Variants in SYN3 observed in about 807,000 individuals in gnomAD.
SYN3 encodes the protein synapsin-3.
In SYN3, 35 loss-of-function variants were observed where a neutral mutation model predicts 65.8. That is an observed-to-expected ratio of 0.53 (90% confidence interval 0.41 to 0.70). The LOEUF is 0.70. Among genes scored for constraint, SYN3 ranks in the 30% least tolerant of loss-of-function variants. SYN3 has a pLI of 0.00. For synonymous variants in SYN3, 270 were observed against 292.9 expected (o/e 0.92, Z 0.80); for missense variants, 680 against 749.0 (o/e 0.91, Z 1.08).
intron 7 of SYN3, among the ~76,000 whole-genome samples, chr22:32,585,965 CGTATATAT>C (rs1346991617): frequency 2.1e-4 from 15 of 70,988 alleles, no homozygotes; most frequent in African/African-American, 3.5e-4. Flanking sequence ...TGTGTATATA[CGTATATAT>C]GTATATATGT....
chr22:32,724,013 G>C (rs1411956930), intron 6 of SYN3, among the ~76,000 whole-genome samples: 4 of 152,218 alleles, frequency 2.6e-5, no homozygotes, highest in African/African-American at 4.8e-5. Context: ...TAGACACACA[G>C]AAAGCTAGTG....
At chr22:33,033,565 G>C (rs1708263310) in intron 1 of SYN3, among the ~76,000 whole-genome samples, 1 of 152,084 alleles carries the variant, frequency 6.6e-6, no homozygotes, top group Non-Finnish European at 1.5e-5. Context: ...AATGGCCTGG[G>C]ACCCTTCTCA....
At chr22:32,890,716 ACTT>A (rs770382540) in intron 4 of SYN3, among the ~76,000 whole-genome samples, 15 of 152,090 alleles carry the variant, frequency 9.9e-5, no homozygotes, top group Middle Eastern at 3.4e-3. Context: ...TTCACACGCC[ACTT>A]CTTCTTTTGG....
intron 3 of SYN3, among the ~76,000 whole-genome samples, chr22:32,941,670 G>T (rs565864488): frequency 6.6e-6 from 1 of 152,162 alleles, no homozygotes; most frequent in African/African-American, 2.4e-5. Flanking sequence ...CCCGGGAAGC[G>T]CAAGGGGTAA....
intron 7 of SYN3, among the ~76,000 whole-genome samples, chr22:32,592,237 T>C (rs2059137749): frequency 6.6e-6 from 1 of 152,212 alleles, no homozygotes; most frequent in Admixed American, 6.5e-5. Context: ...CCCTGGCTTC[T>C]ACCTGGTAAA....
intron 4 of SYN3, among the ~76,000 whole-genome samples, chr22:32,922,130 A>G (rs1234789836): frequency 6.6e-6 from 1 of 152,136 alleles, no homozygotes; most frequent in African/African-American, 2.4e-5. Context: ...AGATGCATGG[A>G]TCCTCTCCAT....
chr22:32,757,060 G>GT (rs970746939), intron 6 of SYN3, among the ~76,000 whole-genome samples: 1 of 150,692 alleles, frequency 6.6e-6, no homozygotes, highest in East Asian at 2.0e-4. Flanking sequence ...TTTTTTTTGA[G>GT]GGGGGGTGGT....
intron 6 of SYN3, among the ~76,000 whole-genome samples, chr22:32,776,925 C>T (rs1386921273): frequency 2.0e-5 from 3 of 152,148 alleles, no homozygotes; most frequent in South Asian, 2.1e-4. Flanking sequence ...AGGAAAGTTT[C>T]TAAGCCTCGA....
At chr22:32,764,351 C>T (rs1421608416) in intron 6 of SYN3, among the ~76,000 whole-genome samples, 2 of 152,170 alleles carry the variant, frequency 1.3e-5, no homozygotes, top group Admixed American at 6.5e-5. Context: ...CAGGCTGGGG[C>T]CCACTCATTT....
chr22:32,693,506 AG>A (rs2060693514), intron 6 of SYN3, among the ~76,000 whole-genome samples: 1 of 152,098 alleles, frequency 6.6e-6, no homozygotes, highest in African/African-American at 2.4e-5. Context: ...AACTGGGAAA[AG>A]TAAAACCGTA....
At chr22:33,052,485 G>T (rs1327124596) in intron 1 of SYN3, among the ~76,000 whole-genome samples, 3 of 151,932 alleles carry the variant, frequency 2.0e-5, no homozygotes, top group Non-Finnish European at 2.9e-5. Context: ...GAAAGGAGGA[G>T]AGTATGGATG....
intron 7 of SYN3, among the ~76,000 whole-genome samples, chr22:32,560,407 T>TG (rs2058570011): frequency 6.6e-6 from 1 of 152,034 alleles, no homozygotes; most frequent in South Asian, 2.1e-4. Flanking sequence ...TAGGGATGAT[T>TG]GGGGGGTCAG....
intron 6 of SYN3, among the ~76,000 whole-genome samples, chr22:32,794,448 T>C (rs1382426067): frequency 6.6e-6 from 1 of 152,184 alleles, no homozygotes; most frequent in Non-Finnish European, 1.5e-5. Context: ...CTAGTTGAGT[T>C]TCTGGACCCA....
chr22:32,522,226 A>G (rs2057896482), intron 12 of SYN3, among the ~76,000 whole-genome samples: 1 of 152,236 alleles, frequency 6.6e-6, no homozygotes, highest in African/African-American at 2.4e-5. Context: ...GTTTTTCATT[A>G]GCCTTGTTAT....
chr22:32,679,212 C>T (rs1447417617), intron 6 of SYN3, among the ~76,000 whole-genome samples: 2 of 151,952 alleles, frequency 1.3e-5, no homozygotes, highest in East Asian at 3.9e-4. Context: ...ACAACCACAT[C>T]CAGCTAATTT....
At chr22:32,629,350 G>C (rs545447258) in intron 6 of SYN3, among the ~76,000 whole-genome samples, 5 of 152,302 alleles carry the variant, frequency 3.3e-5, no homozygotes, top group African/African-American at 1.2e-4. Flanking sequence ...GTAACATATG[G>C]GAAAGTGTTT....
intron 7 of SYN3, among the ~76,000 whole-genome samples, chr22:32,567,009 T>G (rs1403325108): frequency 6.6e-6 from 1 of 152,022 alleles, no homozygotes; most frequent in Admixed American, 6.6e-5. Context: ...GAAGATGAAC[T>G]TTGATACAGG....
chr22:32,507,861 ACAT>A lies in SYN3; in HGVS notation c.*5828_*5830del, dbSNP rs1196842705. On this transcript the variant is annotated 3_prime_UTR_variant, in exon 14 of 14. Coordinates refer to ENST00000358763, the MANE Select transcript of SYN3 (RefSeq NM_003490.4). ...TTCTACACAACAAATGTTTCTTCTA[ACAT>A]CCCCACAATATCACCCCTTACCACG... Among the ~76,000 whole-genome samples, 1 of 152,060 alleles carries A rather than the reference ACAT, an allele frequency of 6.6e-6. No homozygotes were observed. Among genetic ancestry groups the A allele is most frequent in the African/African-American group, 2.4e-5 (1 of 41,406 alleles).
intron 6 of SYN3, among the ~76,000 whole-genome samples, chr22:32,704,425 C>T (rs890884063): frequency 6.6e-6 from 1 of 152,180 alleles, no homozygotes; most frequent in Non-Finnish European, 1.5e-5. Context: ...ACATAGTATT[C>T]CATGGTGTAT....
Sources: allele counts gnomAD v4.1 joint callset (sites outside exome capture counted in the v4.1 genomes callset), GRCh38; gene constraint gnomAD v4.1.1; transcripts MANE v1.5; gene names NCBI Gene and HGNC (gene_info 2026-07-23, HGNC 2026-07-21).